CSMD1: variants seen among roughly 807,000 people sequenced by gnomAD.
The protein encoded by CSMD1 is CUB and sushi domain-containing protein 1.
In CSMD1, 213 loss-of-function variants were observed where a neutral mutation model predicts 417.5. The ratio of observed to expected loss-of-function variants is 0.51; its 90% CI spans 0.46 to 0.57. The LOEUF is 0.57. CSMD1 is among the 20% of genes least tolerant of loss of function. CSMD1 has a pLI of 0.00. For missense variants in CSMD1, 6,923 were observed against 4,529.7 expected, an observed-to-expected ratio of 1.53 and a Z score of -15.17; for synonymous variants, 2,862 against 1,736.8, an observed-to-expected ratio of 1.65 and a Z score of -16.11.
intron 1 of CSMD1, among the ~76,000 whole-genome samples, chr8:4,723,240 A>C (rs975703023): frequency 9.2e-5 from 14 of 152,176 alleles, no homozygotes; most frequent in African/African-American, 3.4e-4. Flanking sequence ...AAGACATTTC[A>C]GGCAATTTTC....
chr8:3,464,994 G>C (rs945035997), intron 12 of CSMD1, among the ~76,000 whole-genome samples: 29 of 152,122 alleles, frequency 1.9e-4, no homozygotes, highest in Admixed American at 7.9e-4. Context: ...GTGTATAATA[G>C]CTATAGATAA....
At chr8:3,931,134 T>C (rs768685006) in intron 5 of CSMD1, among the ~76,000 whole-genome samples, 3 of 150,674 alleles carry the variant, frequency 2.0e-5, no homozygotes, top group Admixed American at 6.6e-5. Context: ...AGGGTAACCA[T>C]AGATAATTTC....
intron 39 of CSMD1, among the ~76,000 whole-genome samples, chr8:3,154,651 A>T (rs1168971435): frequency 6.6e-6 from 1 of 152,158 alleles, no homozygotes; most frequent in African/African-American, 2.4e-5. Context: ...CTGCTGTGAC[A>T]TGAACTTCAC....
At chr8:3,937,881 CAAG>C (rs1417191588) in intron 5 of CSMD1, among the ~76,000 whole-genome samples, 1 of 152,090 alleles carries the variant, frequency 6.6e-6, no homozygotes, top group Non-Finnish European at 1.5e-5. Context: ...ACTGCATACA[CAAG>C]AAACTTTATG....
At chr8:4,540,311 A>G (rs1405668851) in intron 2 of CSMD1, among the ~76,000 whole-genome samples, 1 of 152,204 alleles carries the variant, frequency 6.6e-6, no homozygotes, top group Non-Finnish European at 1.5e-5. Context: ...TTCAGAAATC[A>G]CCACTAAAAA....
At chr8:3,891,286 G>T (rs1473080181) in intron 5 of CSMD1, among the ~76,000 whole-genome samples, 1 of 152,090 alleles carries the variant, frequency 6.6e-6, no homozygotes, top group Non-Finnish European at 1.5e-5. Context: ...CCTTGCTCAA[G>T]TGATCTACCT....
chr8:3,646,606 G>A (rs1243421539), intron 7 of CSMD1, among the ~76,000 whole-genome samples: 1 of 152,138 alleles, frequency 6.6e-6, no homozygotes, highest in Non-Finnish European at 1.5e-5. Context: ...TAGCAGTCAG[G>A]GAACCACTAA....
chr8:3,006,157 G>T (rs1447508882), intron 52 of CSMD1, among the ~76,000 whole-genome samples: 1 of 151,262 alleles, frequency 6.6e-6, no homozygotes, highest in East Asian at 1.9e-4. Flanking sequence ...AATCATGAGT[G>T]AACTCCCATT....
chr8:4,645,181 T>C (rs887143787), intron 1 of CSMD1, among the ~76,000 whole-genome samples: 1 of 152,110 alleles, frequency 6.6e-6, no homozygotes, highest in African/African-American at 2.4e-5. Context: ...CCTATGGACG[T>C]TGGCATCTCT....
At chr8:4,140,520 T>C (rs1422297095) in intron 3 of CSMD1, among the ~76,000 whole-genome samples, 2 of 146,584 alleles carry the variant, frequency 1.4e-5, no homozygotes, top group Admixed American at 6.8e-5. Context: ...AAACAAAAAT[T>C]AGCTGAGTGT....
chr8:4,636,091 T>C (rs1802796938), intron 2 of CSMD1, among the ~76,000 whole-genome samples: 1 of 152,068 alleles, frequency 6.6e-6, no homozygotes, highest in African/African-American at 2.4e-5. Flanking sequence ...CACATAAAAT[T>C]GTGTTTTCTG....
At chr8:3,786,462 G>C (rs1048236774) in intron 5 of CSMD1, among the ~76,000 whole-genome samples, 11 of 152,106 alleles carry the variant, frequency 7.2e-5, no homozygotes, top group Non-Finnish European at 1.5e-4. Context: ...ATAAATAAGG[G>C]GAAGCAGGAG....
intron 3 of CSMD1, among the ~76,000 whole-genome samples, chr8:4,189,356 T>C (rs1798877828): frequency 6.6e-6 from 1 of 152,194 alleles, no homozygotes; most frequent in African/African-American, 2.4e-5. Flanking sequence ...ATAATGATAA[T>C]AAATAATATT....
At chr8:4,074,417 AG>A (rs1799716339) in intron 3 of CSMD1, among the ~76,000 whole-genome samples, 1 of 152,110 alleles carries the variant, frequency 6.6e-6, no homozygotes, top group Non-Finnish European at 1.5e-5. Flanking sequence ...AATATATTTA[AG>A]TTTTTTGTAC....
At chr8:4,231,020 G>C (rs1037677890) in intron 3 of CSMD1, among the ~76,000 whole-genome samples, 3 of 152,080 alleles carry the variant, frequency 2.0e-5, no homozygotes, top group African/African-American at 4.8e-5. Flanking sequence ...CATTCACAGA[G>C]CAAAAACTAT....
chr8:3,754,017 G>C lies in CSMD1; in HGVS notation c.844C>G (p.Pro282Ala), dbSNP rs779131690. ...IWLTGMNLPS[P>A]VISSKNWLRL... ...AGCCAATTCTTGCTACTGATAACTG[G>C]AGAGGGGAGGTTCATGCCAGTTAGC... The change falls in exon 6 of 70, where the codon CCA (proline) becomes GCA (alanine). Residue 282 changes from proline to alanine, a missense_variant. By Grantham distance (27) the Pro-to-Ala change is conservative. Coordinates refer to ENST00000635120, the MANE Select transcript of CSMD1 (RefSeq NM_033225.6). 1.2e-6 allele frequency: 2 copies of C among 1,613,048 alleles called. No individual in the cohort carries two copies. Among genetic ancestry groups the C allele is most frequent in the Non-Finnish European group, 1.7e-6 (2 of 1,179,322 alleles).
chr8:3,803,138 T>A (rs959434506), intron 5 of CSMD1, among the ~76,000 whole-genome samples: 2 of 152,180 alleles, frequency 1.3e-5, no homozygotes, highest in Non-Finnish European at 2.9e-5. Context: ...AGGACTTCAT[T>A]CTAAGTACTC....
chr8:4,222,545 AG>A, intron 3 of CSMD1, among the ~76,000 whole-genome samples: 1 of 152,360 alleles, frequency 6.6e-6, no homozygotes, highest in East Asian at 1.9e-4. Flanking sequence ...TAAAAACCAC[AG>A]AAGTACAGAA....
Position 4,834,136 on chromosome 8 carries a change from A to G in CSMD1, c.85+160196T>C, listed in dbSNP as rs570125063. Among the ~76,000 whole-genome samples the G allele has an allele frequency of 3.3e-5, 5 of 152,334 alleles. No homozygotes were observed. The South Asian group carries it at 1.0e-3, about 32-fold the overall frequency. ...CTTGTTACATAATTGAAAGTTTTTA[A>G]ACACCTAATTCATACAGATAAAACA... On this transcript the variant is annotated intron_variant, in intron 1 of 69. Coordinates refer to ENST00000635120, the MANE Select transcript of CSMD1 (RefSeq NM_033225.6).
Sources: gnomAD v4.1 joint callset for allele counts (sites outside exome capture counted in the v4.1 genomes callset) on GRCh38, gnomAD v4.1.1 for gene constraint, MANE v1.5 for transcripts, NCBI Gene and HGNC (gene_info 2026-07-23, HGNC 2026-07-21) for gene names.